The following RIT2 variants were observed in gnomAD, a reference collection of about 807,000 sequenced individuals.
RIT2 encodes the protein Ras like without CAAX 2, also known as GTP-binding protein Rit2.
RIT2 carries 24 observed loss-of-function variants against 23.7 expected under a neutral mutation model. The ratio of observed to expected loss-of-function variants is 1.01; its 90% confidence interval spans 0.73 to 1.43. The LOEUF is 1.43. RIT2 is among the 40% of genes most tolerant of loss of function. The pLI is 0.00. For missense variants in RIT2, 236 were observed against 266.9 expected, an observed-to-expected ratio of 0.88 and a Z score of 0.81; for synonymous variants, 107 against 91.1, an observed-to-expected ratio of 1.17 and a Z score of -0.99.
intron 1 of RIT2, among the ~76,000 whole-genome samples, chr18:43,058,911 T>C (rs1199641638): frequency 1.3e-5 from 2 of 151,930 alleles, no homozygotes; most frequent in Non-Finnish European, 2.9e-5. Context: ...AAATAGCTTA[T>C]TTTTCAATAC....
intron 2 of RIT2, among the ~76,000 whole-genome samples, chr18:42,987,047 C>T (rs950205093): frequency 1.3e-5 from 2 of 152,062 alleles, no homozygotes; most frequent in African/African-American, 2.4e-5. Context: ...AGTTTAGAAA[C>T]TGTTTGGAAC....
At chr18:42,801,321 A>G (rs1172887173) in intron 4 of RIT2, among the ~76,000 whole-genome samples, 1 of 152,222 alleles carries the variant, frequency 6.6e-6, no homozygotes, top group Non-Finnish European at 1.5e-5. Context: ...CTCCTGACTA[A>G]ATATAAGCTG....
chr18:43,090,974 C>G (rs1227328594), intron 1 of RIT2, among the ~76,000 whole-genome samples: 1 of 151,860 alleles, frequency 6.6e-6, no homozygotes, highest in Non-Finnish European at 1.5e-5. Flanking sequence ...ACCCCCATGA[C>G]ACAAGTTTAT....
chr18:43,094,103 G>A (rs1913489205), intron 1 of RIT2, among the ~76,000 whole-genome samples: 1 of 142,120 alleles, frequency 7.0e-6, no homozygotes, highest in South Asian at 2.3e-4. Context: ...TTTCAAAATT[G>A]GTATTAGTGG....
At chr18:42,831,296 G>A (rs1906450851) in intron 4 of RIT2, among the ~76,000 whole-genome samples, 1 of 152,170 alleles carries the variant, frequency 6.6e-6, no homozygotes, top group African/African-American at 2.4e-5. Context: ...CATAAAGATA[G>A]TTTTATATCT....
At chr18:42,877,792 G>T (rs1041478526) in intron 4 of RIT2, among the ~76,000 whole-genome samples, 1 of 151,498 alleles carries the variant, frequency 6.6e-6, no homozygotes, top group East Asian at 1.9e-4. Context: ...TTTATTTCAT[G>T]CATAAAATTA....
At chr18:42,943,851 T>G (rs1370573312) in intron 3 of RIT2, among the ~76,000 whole-genome samples, 1 of 152,156 alleles carries the variant, frequency 6.6e-6, no homozygotes, top group African/African-American at 2.4e-5. Context: ...TTCTCTTTTA[T>G]TCCCACACCT....
In RIT2 at chr18:42,995,340, A is replaced by G. The variant is rs187382819; in HGVS notation, c.161-21193T>C. Among the ~76,000 whole-genome samples the G allele has an allele frequency of 4.6e-5, 7 of 151,558 alleles. No homozygotes were observed. The East Asian group carries it at 1.2e-3, about 25-fold the overall frequency. ...CACCCAGGACTGGTAAATTAGCTTT[A>G]CTCAACATGCCCTGAGTCAGATAAC... On this transcript the variant is annotated intron_variant, in intron 2 of 4. Transcript: ENST00000326695.
intron 4 of RIT2, among the ~76,000 whole-genome samples, chr18:42,791,189 TCTAA>T (rs1183204060): frequency 6.6e-6 from 1 of 152,328 alleles, no homozygotes; most frequent in Admixed American, 6.5e-5. Flanking sequence ...TATAAGATAA[TCTAA>T]TTTTCTTTTT....
At chr18:42,937,849 A>C (rs889128041) in intron 3 of RIT2, among the ~76,000 whole-genome samples, 1 of 152,194 alleles carries the variant, frequency 6.6e-6, no homozygotes, top group Non-Finnish European at 1.5e-5. Flanking sequence ...GTAACTATTT[A>C]GGGAGATAAG....
chr18:42,847,013 T>C (rs997178652), intron 4 of RIT2, among the ~76,000 whole-genome samples: 2 of 152,152 alleles, frequency 1.3e-5, no homozygotes, highest in African/African-American at 4.8e-5. Flanking sequence ...CTTTGCTGTA[T>C]GTCGGTTACA....
chr18:43,062,966 G>T (rs929823280), intron 1 of RIT2, among the ~76,000 whole-genome samples: 3 of 151,820 alleles, frequency 2.0e-5, no homozygotes, highest in African/African-American at 4.8e-5. Flanking sequence ...GGTTTTTTTT[G>T]AAAAGGAAAG....
intron 4 of RIT2, among the ~76,000 whole-genome samples, chr18:42,795,315 G>A (rs1333576673): frequency 2.6e-5 from 4 of 152,208 alleles, no homozygotes; most frequent in East Asian, 1.9e-4. Flanking sequence ...CCGGGTGGGC[G>A]TGGGCTTGGA....
At chr18:42,880,507 T>C (rs915149645) in intron 4 of RIT2, among the ~76,000 whole-genome samples, 1 of 152,186 alleles carries the variant, frequency 6.6e-6, no homozygotes, top group African/African-American at 2.4e-5. Flanking sequence ...TTGCCTTTGC[T>C]TGTGGCATCC....
intron 4 of RIT2, among the ~76,000 whole-genome samples, chr18:42,837,596 C>T (rs1001148635): frequency 1.4e-4 from 21 of 152,138 alleles, no homozygotes; most frequent in Admixed American, 1.2e-3. Flanking sequence ...TGTTAGGAGA[C>T]TTGCAAAAGA....
chr18:43,038,766 T>G (rs914449888), intron 1 of RIT2, among the ~76,000 whole-genome samples: 4 of 152,184 alleles, frequency 2.6e-5, no homozygotes, highest in African/African-American at 7.2e-5. Flanking sequence ...AAACAGTTGA[T>G]TCCCTCTTCT....
intron 4 of RIT2, among the ~76,000 whole-genome samples, chr18:42,919,479 C>T (rs764855322): frequency 2.2e-4 from 33 of 151,996 alleles, no homozygotes; most frequent in Non-Finnish European, 4.7e-4. Flanking sequence ...TTTGGGCAGC[C>T]GAGGCTGGAG....
At chr18:42,907,684 T>C (rs907116112) in intron 4 of RIT2, among the ~76,000 whole-genome samples, 3 of 152,184 alleles carry the variant, frequency 2.0e-5, no homozygotes, top group African/African-American at 7.2e-5. Flanking sequence ...GTTGAAATTA[T>C]CTGTTAAAGA....
chr18:42,932,234 T>C (rs765991402), intron 3 of RIT2, among the ~76,000 whole-genome samples: 1 of 152,146 alleles, frequency 6.6e-6, no homozygotes, highest in African/African-American at 2.4e-5. Flanking sequence ...TTGACCATCA[T>C]TAAGTGCTGG....
Sources: gnomAD v4.1 joint callset for allele counts (sites outside exome capture counted in the v4.1 genomes callset) on GRCh38, gnomAD v4.1.1 for gene constraint, MANE v1.5 for transcripts, NCBI Gene and HGNC (gene_info 2026-07-23, HGNC 2026-07-21) for gene names.